SLC25A3: variants seen among roughly 807,000 people sequenced by gnomAD.
SLC25A3 encodes solute carrier family 25 member 3.
A neutral mutation model predicts 37.1 loss-of-function variants in SLC25A3; 14 were observed. The ratio of observed to expected loss-of-function variants is 0.38; its 90% confidence interval spans 0.25 to 0.59. SLC25A3 has a LOEUF of 0.59. Ranked by LOEUF, SLC25A3 falls within the 20% of genes least tolerant of loss-of-function variation. SLC25A3 has a pLI of 0.67. For synonymous variants in SLC25A3, 161 were observed against 168.7 expected (o/e 0.95, Z 0.36); for missense variants, 385 against 458.1 (o/e 0.84, Z 1.46).
intron 2 of SLC25A3, 77 bp from the exon 3 acceptor site, chr12:98,595,639 GTGGAAACCTAA>G: frequency 6.2e-7 from 1 of 1,613,170 alleles, no homozygotes; most frequent in Non-Finnish European, 8.5e-7. Flanking sequence ...AACAAGCTGT[GTGGAAACCTAA>G]CTGTCCAGGA....
chr12:98,594,690 G>A, intron 2 of SLC25A3: 2 of 318,854 alleles, frequency 6.3e-6, no homozygotes, highest in Non-Finnish European at 1.2e-5. Context: ...ATTGGTGGGC[G>A]TCCCTTTGGT....
rs767958156 is a variant in SLC25A3, at chr12:98,594,154, C to T, written c.157+19C>T. 1.9e-6 allele frequency: 3 copies of T among 1,593,022 alleles called. No homozygotes were observed. In the Admixed American group the frequency reaches 5.1e-5, roughly 27 times the overall value. On this transcript the variant is annotated intron_variant, in intron 2 of 7. Coordinates refer to ENST00000552981, the MANE Select transcript of SLC25A3 (RefSeq NM_002635.4). ...GTGGAAGGTGAGATCAGACCCTGCC[C>T]AATACAGTCGTGTGGTCTACTTGTG...
intron 2 of SLC25A3, chr12:98,594,490 A>T (rs1275337611): frequency 1.6e-6 from 1 of 627,470 alleles, no homozygotes; most frequent in African/African-American, 1.8e-5. Context: ...CCACAGTTCT[A>T]CTAACTATAT....
At chr12:98,596,461 T>C (rs538937690) in intron 3 of SLC25A3, among the ~76,000 whole-genome samples, 5 of 152,306 alleles carry the variant, frequency 3.3e-5, no homozygotes, top group Admixed American at 2.0e-4. Context: ...GAAGGTGATG[T>C]ATACCATCCC....
chr12:98,595,390 C>G (rs750414560), intron 2 of SLC25A3: 2 of 1,608,446 alleles, frequency 1.2e-6, no homozygotes, highest in East Asian at 4.5e-5. Context: ...TTAGTCATCT[C>G]TGAAGAAATA....
chr12:98,599,891 A>T, intron 5 of SLC25A3, 64 bp from the exon 6 acceptor site: 1 of 1,578,920 alleles, frequency 6.3e-7, no homozygotes, highest in Non-Finnish European at 8.7e-7. Flanking sequence ...ATTTCTGTTA[A>T]TAATGACAGT....
chr12:98,597,495 T>C (rs61932022), intron 3 of SLC25A3: 3,635 of 262,194 alleles, frequency 0.014, 46 homozygotes, highest in South Asian at 0.021. Flanking sequence ...CACTGCAACC[T>C]CCACCTCCCT....
At chr12:98,593,947 C>T (rs2097590624) in intron 1 of SLC25A3, 28 bp from the exon 2 acceptor site, 3 of 1,613,494 alleles carry the variant, frequency 1.9e-6, no homozygotes, top group Non-Finnish European at 2.5e-6. Flanking sequence ...CTTGCCTGTC[C>T]TCTAACCGTC....
Position 98,601,487 on chromosome 12 carries a change from A to T in SLC25A3, c.1045A>T (p.Met349Leu), listed in dbSNP as rs2097597854. 1.9e-6 allele frequency: 3 copies of T among 1,614,010 alleles called. No individual in the cohort carries two copies. The highest frequency in any genetic ancestry group is 1.3e-5 in the African/African-American group (1 of 74,934). The change falls in exon 8 of 8, where the codon ATG becomes TTG. Residue 349 changes from methionine to leucine, a missense_variant. Transcript: ENST00000552981. ...ACTTCCTCGCCCTCCTCCACCCGAG[A>T]TGCCAGAGTCTCTGAAGAAGAAGCT... ...FRLPRPPPPE[M>L]PESLKKKLGL... is the part of the protein sequence containing the mutation.
At chr12:98,594,871 ATCAT>A (rs1215788740) in intron 2 of SLC25A3, 3 of 178,854 alleles carry the variant, frequency 1.7e-5, no homozygotes, top group Non-Finnish European at 3.6e-5. Context: ...TTTTCTTTAA[ATCAT>A]TCATGTGCTT....
At chr12:98,594,888 G>C (rs2097591659) in intron 2 of SLC25A3, 1 of 180,312 alleles carries the variant, frequency 5.5e-6, no homozygotes, top group East Asian at 1.5e-4. Context: ...ATGTGCTTCT[G>C]TTGTCTTTAG....
intron 3 of SLC25A3, among the ~76,000 whole-genome samples, chr12:98,596,635 C>T (rs2097593216): frequency 6.6e-6 from 1 of 151,586 alleles, no homozygotes; most frequent in Admixed American, 6.6e-5. Flanking sequence ...TTAGTGTTCA[C>T]AAAACTTTAT....
At chr12:98,597,811 A>T (rs1339588490) in intron 3 of SLC25A3, 45 bp from the exon 4 acceptor site, 1 of 1,601,018 alleles carries the variant, frequency 6.2e-7, no homozygotes, top group Non-Finnish European at 8.5e-7. Flanking sequence ...TTTTTATGTT[A>T]GCTGTTTGGT....
intron 6 of SLC25A3, 47 bp from the exon 7 acceptor site, chr12:98,601,124 G>A (rs375465769): frequency 8.1e-6 from 13 of 1,598,276 alleles, no homozygotes; most frequent in Non-Finnish European, 1.0e-5. Context: ...GCTCTGTGAA[G>A]TTTTGTTTTT....
At chr12:98,597,303 A>T (rs946400381) in intron 3 of SLC25A3, among the ~76,000 whole-genome samples, 1 of 152,248 alleles carries the variant, frequency 6.6e-6, no homozygotes, top group African/African-American at 2.4e-5. Flanking sequence ...AATAAAAGTT[A>T]TATGAATGTA....
rs2097590375 is a variant in SLC25A3 at position 98,593,716 on chromosome 12, G to C, written c.-29G>C. The stretch of plus-strand genomic sequence containing the variant: ...TGAGCCGCAACCTTTCCAAGGGAGT[G>C]GTTGTGTGATCGCCATCTTAGGGAG... On this transcript the variant is annotated 5_prime_UTR_variant, in exon 1 of 8. Transcript: ENST00000552981. 8.8e-6 allele frequency: 5 copies of C among 568,708 alleles called. No individual in the cohort carries two copies. The East Asian group carries it at 1.5e-4, about 17-fold the overall frequency. The allele number at this position is 568,708 out of a possible 1,614,324, so 35.2% of individuals were successfully genotyped here.
In SLC25A3 at chr12:98,603,924, C is replaced by G. The variant is rs1439733740; in HGVS notation, c.*2396C>G. The G allele has an allele frequency of 6.6e-6, 1 of 152,092 alleles. No individual in the cohort carries two copies. The highest frequency in any genetic ancestry group is 1.5e-5 in the Non-Finnish European group (1 of 68,022). The allele number at this position is 152,092 out of a possible 1,614,324, so 9.4% of individuals were successfully genotyped here. ...TACATTTCATTTAATGAAATGTCTA[C>G]TGTCAATACGATAAAGCAGAACCCA... On this transcript the variant is annotated 3_prime_UTR_variant, in exon 8 of 8. Coordinates refer to ENST00000552981, the MANE Select transcript of SLC25A3 (RefSeq NM_002635.4).
chr12:98,599,744 T>C (rs753440627), intron 5 of SLC25A3: 3 of 723,374 alleles, frequency 4.1e-6, no homozygotes, highest in Non-Finnish European at 7.6e-6. Context: ...AGCAACTTTT[T>C]TGGTTGTATA....
At position 98,602,225 on chromosome 12, in the gene SLC25A3, C is replaced by T. The variant is rs999295283; in HGVS notation, c.*697C>T. Reference sequence around the variant, plus strand: ...CTTGTTGCCCAGACGAGTGTAGTGTCGCGATCTCGCCTCACGGCAACCTCT... The same window carrying T: ...CTTGTTGCCCAGACGAGTGTAGTGTTGCGATCTCGCCTCACGGCAACCTCT... On this transcript the variant is annotated 3_prime_UTR_variant, in exon 8 of 8. Coordinates refer to ENST00000552981, the MANE Select transcript of SLC25A3 (RefSeq NM_002635.4). The T allele has an allele frequency of 1.3e-4, 19 of 151,632 alleles. No homozygotes were observed. Among genetic ancestry groups the T allele is most frequent in the African/African-American group, 4.6e-4 (19 of 41,232 alleles). The allele number at this position is 151,632 out of a possible 1,614,324, so 9.4% of individuals were successfully genotyped here.
Sources: gnomAD v4.1 joint callset for allele counts (sites outside exome capture counted in the v4.1 genomes callset) on GRCh38, gnomAD v4.1.1 for gene constraint, MANE v1.5 for transcripts, NCBI Gene and HGNC (gene_info 2026-07-23, HGNC 2026-07-21) for gene names.